TMEM131: variants seen among roughly 807,000 people sequenced by gnomAD.
TMEM131 encodes the protein transmembrane protein 131, also known as 2610524E03Rik.
In TMEM131, 66 loss-of-function variants were observed where a neutral mutation model predicts 211.6. That is an observed-to-expected ratio of 0.31 (90% confidence interval 0.26 to 0.38). The LOEUF (loss-of-function observed/expected upper bound fraction) is 0.38, where lower values mean the gene tolerates loss of function less well. Among genes scored for constraint, TMEM131 ranks in the 10% least tolerant of loss-of-function variants. The probability of loss-of-function intolerance (pLI) is 1.00; values close to 1 mark genes in which losing one functional copy is unlikely to be tolerated. For missense variants in TMEM131, 2,036 were observed against 2,299.3 expected (o/e 0.89, Z 2.34); for synonymous variants, 844 against 841.3 (o/e 1.00, Z -0.06).
intron 18 of TMEM131, among the ~76,000 whole-genome samples, chr2:97,810,630 G>A (rs1487880436): frequency 6.6e-6 from 1 of 152,136 alleles, no homozygotes; most frequent in Non-Finnish European, 1.5e-5. Flanking sequence ...TGCAAAATAA[G>A]CTCCACACAG....
At chr2:97,917,011 G>C (rs192510812) in intron 2 of TMEM131, among the ~76,000 whole-genome samples, 1 of 152,050 alleles carries the variant, frequency 6.6e-6, no homozygotes, top group East Asian at 1.9e-4. Context: ...CAAAAGATGA[G>C]TACTTCTAGG....
Position 97,975,492 on chromosome 2 carries a change from A to C in TMEM131, c.187+19984T>G, listed in dbSNP as rs557159336. 9.8e-5 allele frequency among the ~76,000 whole-genome samples: 15 copies of C among 152,292 alleles called. No individual in the cohort carries two copies. The South Asian group carries it at 3.1e-3, about 32-fold the overall frequency. On this transcript the variant is annotated intron_variant, in intron 1 of 40. Transcript: ENST00000186436. ...CAAAAGATAGTAAGGGAACATTATGAACAACTTTGCCAATTAATTTGACAA... is the reference window on the plus strand; with the variant it reads ...CAAAAGATAGTAAGGGAACATTATGCACAACTTTGCCAATTAATTTGACAA...
intron 31 of TMEM131, among the ~76,000 whole-genome samples, chr2:97,791,925 A>G (rs541527686): frequency 6.6e-6 from 1 of 152,326 alleles, no homozygotes; most frequent in East Asian, 1.9e-4. Flanking sequence ...CCAACAAATG[A>G]GCATGGTTCT....
chr2:97,915,785 T>C (rs958994150), intron 2 of TMEM131, among the ~76,000 whole-genome samples: 1 of 152,236 alleles, frequency 6.6e-6, no homozygotes, highest in African/African-American at 2.4e-5. Flanking sequence ...GGTTTTATTA[T>C]AGTTTTACAT....
chr2:97,816,271 G>A (rs1681823932), intron 12 of TMEM131, among the ~76,000 whole-genome samples: 1 of 152,148 alleles, frequency 6.6e-6, no homozygotes, highest in South Asian at 2.1e-4. Context: ...AGCCTGGGAG[G>A]TGGAGGCTGC....
rs761344841 is a variant in TMEM131, at chr2:97,760,851, C to T, written c.4953G>A (p.Pro1651=). ...CAAAAGTGGGGTTGCCGTTCTTGCC[C>T]GGGAGCGAGGCTGCCTTTGTCAACT... ...KHKLTKAASL[P]GKNGNPTFAA... The change falls in exon 37 of 41, where the codon CCG becomes CCA. Residue 1651 remains proline, a synonymous_variant. Transcript: ENST00000186436. The T allele has an allele frequency of 5.6e-6, 9 of 1,613,910 alleles. No individual in the cohort carries two copies. The Admixed American group carries it at 1.0e-4, about 18-fold the overall frequency.
intron 4 of TMEM131, among the ~76,000 whole-genome samples, chr2:97,873,598 A>T (rs1645679917): frequency 6.6e-6 from 1 of 152,224 alleles, no homozygotes; most frequent in Non-Finnish European, 1.5e-5. Flanking sequence ...TGCTGATACC[A>T]AGGCAAACAG....
Position 97,797,346 on chromosome 2 carries a change from C to T in TMEM131, c.2870+19G>A, listed in dbSNP as rs1324740709. On this transcript the variant is annotated intron_variant, in intron 26 of 40. Transcript: ENST00000186436. ...AGTAAGTAGTAAAAATGAACCCACA[C>T]CTATATCACAGAACCTACCTGACTA... The T allele has an allele frequency of 6.4e-7, 1 of 1,572,618 alleles. No homozygotes were observed. The highest frequency in any genetic ancestry group is 8.6e-7 in the Non-Finnish European group (1 of 1,163,332).
At chr2:97,759,790 T>C (rs768563660) in intron 38 of TMEM131, 41 bp from the exon 39 acceptor site, 2 of 1,455,730 alleles carry the variant, frequency 1.4e-6, no homozygotes, top group South Asian at 2.4e-5. Context: ...CAAAAATGTA[T>C]GGTGGTTAGT....
At chr2:97,821,720 A>AT in intron 11 of TMEM131, among the ~76,000 whole-genome samples, 1 of 152,068 alleles carries the variant, frequency 6.6e-6, no homozygotes, top group East Asian at 1.9e-4. Flanking sequence ...ATTCTGTCCT[A>AT]TTTTTCCTTA....
chr2:97,809,594 A>G lies in TMEM131; in HGVS notation c.2055+94T>C, dbSNP rs866133324. On this transcript the variant is annotated intron_variant, in intron 19 of 40. Transcript: ENST00000186436. Reference sequence around the variant, plus strand: ...TCTTTAAAATAAATGACTAATAAAGAATAACTGACTTTACTCTAAGATTCT... The same window carrying G: ...TCTTTAAAATAAATGACTAATAAAGGATAACTGACTTTACTCTAAGATTCT... 9 of 837,586 alleles carry G rather than the reference A, an allele frequency of 1.1e-5. 2 individuals carry two copies. The Middle Eastern group carries it at 2.0e-3, about 186-fold the overall frequency. The allele number at this position is 837,586 out of a possible 1,614,324, so 51.9% of individuals were successfully genotyped here.
At chr2:97,934,320 T>G (rs1677353051) in intron 1 of TMEM131, among the ~76,000 whole-genome samples, 1 of 152,050 alleles carries the variant, frequency 6.6e-6, no homozygotes, top group African/African-American at 2.4e-5. Context: ...TAAGAAAGCA[T>G]GCACAGGACA....
At chr2:97,759,924 C>T (rs546541222) in intron 38 of TMEM131, 175 bp from the exon 39 acceptor site, 11 of 587,926 alleles carry the variant, frequency 1.9e-5, no homozygotes, top group South Asian at 2.1e-5. Flanking sequence ...AGGGTTGAGT[C>T]GGAGGGAGCC....
Position 97,827,355 on chromosome 2 carries a change from G to A in TMEM131, c.1074+6010C>T, listed in dbSNP as rs533570047. On this transcript the variant is annotated intron_variant, in intron 11 of 40. Transcript: ENST00000186436. ...CTCCTGCAAAAGTGGAAGCAAAGCCGAAAAAGGCAGCAGCGAAGGATAAAT... is the reference window on the plus strand; with the variant it reads ...CTCCTGCAAAAGTGGAAGCAAAGCCAAAAAAGGCAGCAGCGAAGGATAAAT... 68 of 842,368 alleles carry A rather than the reference G, an allele frequency of 8.1e-5. No individual in the cohort carries two copies. The East Asian group carries it at 9.7e-4, about 12-fold the overall frequency. 52.2% of individuals were successfully genotyped at this position (842,368 alleles called of 1,614,324 possible). A position where few individuals can be genotyped will look rare whatever the true frequency, so the allele number is the denominator to read the frequency against.
chr2:97,931,106 C>G (rs1342049830), intron 1 of TMEM131, among the ~76,000 whole-genome samples: 1 of 151,758 alleles, frequency 6.6e-6, no homozygotes, highest in Non-Finnish European at 1.5e-5. Flanking sequence ...CTAACAGCAC[C>G]TTTTAGCAAC....
rs375917197 is a variant in TMEM131 at position 97,944,039 on chromosome 2, G to A, written c.188-16552C>T. Among the ~76,000 whole-genome samples the A allele has an allele frequency of 1.2e-3, 181 of 152,064 alleles. 3 individuals are homozygous for A. Among genetic ancestry groups the A allele is most frequent in the East Asian group, 4.6e-3 (24 of 5,178 alleles). ...AGAGGTGGCAGTGAGCCAAGATTGC[G>A]CCACTGCACTCCAGCCTGGCGACAG... On this transcript the variant is annotated intron_variant, in intron 1 of 40. Transcript: ENST00000186436.
intron 2 of TMEM131, among the ~76,000 whole-genome samples, chr2:97,916,340 T>G (rs1177192794): frequency 6.6e-6 from 1 of 152,250 alleles, no homozygotes; most frequent in East Asian, 1.9e-4. Context: ...CAGGTATTTC[T>G]GAGAAGACTC....
At chr2:97,773,474 C>T (rs1360734202) in intron 32 of TMEM131, among the ~76,000 whole-genome samples, 1 of 152,128 alleles carries the variant, frequency 6.6e-6, no homozygotes, top group African/African-American at 2.4e-5. Context: ...CTGGAGTGGG[C>T]GGCCACATCC....
chr2:97,964,613 T>C (rs1297498157), intron 1 of TMEM131, among the ~76,000 whole-genome samples: 1 of 152,226 alleles, frequency 6.6e-6, no homozygotes, highest in Admixed American at 6.5e-5. Context: ...AATCAAGATT[T>C]TTCCTTAAAC....
Sources: allele counts gnomAD v4.1 joint callset (sites outside exome capture counted in the v4.1 genomes callset), GRCh38; gene constraint gnomAD v4.1.1; transcripts MANE v1.5; gene names NCBI Gene and HGNC (gene_info 2026-07-23, HGNC 2026-07-21).